The following TMCC1 variants were observed in gnomAD, a reference collection of about 807,000 sequenced individuals.
TMCC1 encodes the protein transmembrane and coiled-coil domain family 1.
TMCC1 carries 15 observed loss-of-function variants against 52.4 expected under a neutral mutation model. The observed-to-expected ratio is 0.29, with a 90% confidence interval of 0.19 to 0.44. The LOEUF is 0.44. Ranked by LOEUF, TMCC1 falls within the 20% of genes least tolerant of loss-of-function variation. TMCC1 has a pLI of 1.00. For missense variants in TMCC1, 503 were observed against 806.0 expected, an observed-to-expected ratio of 0.62 and a Z score of 4.55; for synonymous variants, 279 against 301.9, an observed-to-expected ratio of 0.92 and a Z score of 0.79.
At chr3:129,745,055 T>TC in intron 4 of TMCC1, among the ~76,000 whole-genome samples, 1 of 152,272 alleles carries the variant, frequency 6.6e-6, no homozygotes, top group South Asian at 2.1e-4. Context: ...TATTGAGTAA[T>TC]AATGGAGAGA....
At chr3:129,683,320 T>G (rs2089159010) in intron 4 of TMCC1, among the ~76,000 whole-genome samples, 1 of 152,228 alleles carries the variant, frequency 6.6e-6, no homozygotes, top group South Asian at 2.1e-4. Context: ...TTTTCTAACT[T>G]GCTTTCCCTA....
chr3:129,891,020 T>G (rs1416865683), intron 1 of TMCC1, among the ~76,000 whole-genome samples: 1 of 152,252 alleles, frequency 6.6e-6, no homozygotes, highest in East Asian at 1.9e-4. Context: ...AATGTAAGAA[T>G]GACATGTTAT....
chr3:129,737,438 C>G (rs1287494605), intron 4 of TMCC1, among the ~76,000 whole-genome samples: 1 of 152,008 alleles, frequency 6.6e-6, no homozygotes, highest in Non-Finnish European at 1.5e-5. Context: ...CGAGATCACG[C>G]CGCTGCACTC....
At chr3:129,872,501 C>T (rs1010815306) in intron 2 of TMCC1, among the ~76,000 whole-genome samples, 3 of 152,206 alleles carry the variant, frequency 2.0e-5, no homozygotes, top group Non-Finnish European at 2.9e-5. Flanking sequence ...TCTATGCACA[C>T]TAAAGTTCAC....
chr3:129,884,507 C>G (rs1270656891), intron 1 of TMCC1, among the ~76,000 whole-genome samples: 3 of 152,030 alleles, frequency 2.0e-5, no homozygotes, highest in African/African-American at 7.2e-5. Flanking sequence ...TTCCAACATG[C>G]TTGTCTTCCA....
At chr3:129,747,559 C>CTCTCT (rs576391361) in intron 4 of TMCC1, among the ~76,000 whole-genome samples, 158 of 152,304 alleles carry the variant, frequency 1.0e-3, no homozygotes, top group African/African-American at 3.4e-3. Flanking sequence ...ATATTTGGAA[C>CTCTCT]TCTCTTATTA....
At chr3:129,758,414 C>A (rs1178675428) in intron 4 of TMCC1, among the ~76,000 whole-genome samples, 1 of 152,166 alleles carries the variant, frequency 6.6e-6, no homozygotes, top group Non-Finnish European at 1.5e-5. Flanking sequence ...TACATACATA[C>A]ATTTTCTAGT....
At chr3:129,866,506 T>C (rs1455118130) in intron 2 of TMCC1, among the ~76,000 whole-genome samples, 2 of 150,568 alleles carry the variant, frequency 1.3e-5, no homozygotes, top group African/African-American at 4.9e-5. Context: ...GCCTCCCGAG[T>C]AGCTGGGATT....
chr3:129,801,404 A>C lies in TMCC1; in HGVS notation c.576+26399T>G, dbSNP rs540262515. On this transcript the variant is annotated intron_variant, in intron 4 of 6. Transcript: ENST00000393238. ...AACAATTTACTTAGCCATTCTCTTGATGACCATTTAGGTTACTTTCACATT... is the reference window on the plus strand; with the variant it reads ...AACAATTTACTTAGCCATTCTCTTGCTGACCATTTAGGTTACTTTCACATT... Among the ~76,000 whole-genome samples the C allele has an allele frequency of 3.3e-5, 5 of 152,186 alleles. No individual in the cohort carries two copies. The South Asian group carries it at 1.0e-3, about 32-fold the overall frequency.
intron 5 of TMCC1, among the ~76,000 whole-genome samples, chr3:129,658,206 A>G (rs1560126482): frequency 6.6e-6 from 1 of 152,236 alleles, no homozygotes; most frequent in Non-Finnish European, 1.5e-5. Context: ...GCTTTTCACT[A>G]CATGTATGCA....
intron 4 of TMCC1, among the ~76,000 whole-genome samples, chr3:129,709,667 T>A (rs866307429): frequency 2.6e-5 from 4 of 151,936 alleles, no homozygotes; most frequent in Non-Finnish European, 4.4e-5. Context: ...ATGAAGAACA[T>A]TCTGTTTAGA....
At chr3:129,696,445 C>T in intron 4 of TMCC1, among the ~76,000 whole-genome samples, 1 of 152,212 alleles carries the variant, frequency 6.6e-6, no homozygotes, top group Non-Finnish European at 1.5e-5. Flanking sequence ...AGCTACAACC[C>T]AACTATCTTG....
At chr3:129,785,477 T>C (rs1012841764) in intron 4 of TMCC1, among the ~76,000 whole-genome samples, 6 of 152,090 alleles carry the variant, frequency 3.9e-5, no homozygotes, top group African/African-American at 1.4e-4. Flanking sequence ...CTGAATAGAC[T>C]GGGTCAGATT....
intron 4 of TMCC1, among the ~76,000 whole-genome samples, chr3:129,762,010 T>G (rs1247784566): frequency 1.3e-4 from 9 of 71,524 alleles, no homozygotes; most frequent in South Asian, 1.1e-3. Context: ...AAAAAAAAAG[T>G]ACTAGTAGAA....
intron 4 of TMCC1, among the ~76,000 whole-genome samples, chr3:129,799,750 T>C (rs1173888907): frequency 6.6e-6 from 1 of 152,128 alleles, no homozygotes; most frequent in Non-Finnish European, 1.5e-5. Context: ...AGGCGGAGCT[T>C]GCAGTGAGCC....
At chr3:129,769,845 C>T (rs866399852) in intron 4 of TMCC1, among the ~76,000 whole-genome samples, 23 of 152,128 alleles carry the variant, frequency 1.5e-4, no homozygotes, top group African/African-American at 4.8e-4. Flanking sequence ...AAGAGCGAAA[C>T]GGCAAAAGTA....
intron 2 of TMCC1, among the ~76,000 whole-genome samples, chr3:129,873,222 C>T (rs2061016493): frequency 6.6e-6 from 1 of 151,964 alleles, no homozygotes; most frequent in Admixed American, 6.6e-5. Context: ...ATTAATGGAG[C>T]TTTAATTCTA....
chr3:129,658,838 G>GT (rs1410100604), intron 5 of TMCC1, among the ~76,000 whole-genome samples: 6 of 152,136 alleles, frequency 3.9e-5, no homozygotes, highest in African/African-American at 1.4e-4. Context: ...GAACTAAGGA[G>GT]TAAGTCTTAC....
chr3:129,871,252 G>T (rs1411802342), intron 2 of TMCC1, among the ~76,000 whole-genome samples: 3 of 151,590 alleles, frequency 2.0e-5, no homozygotes, highest in Non-Finnish European at 4.4e-5. Context: ...CCAGTTACTT[G>T]GGAGGGTGAG....
Sources: gnomAD v4.1 joint callset for allele counts (sites outside exome capture counted in the v4.1 genomes callset) on GRCh38, gnomAD v4.1.1 for gene constraint, MANE v1.5 for transcripts, NCBI Gene and HGNC (gene_info 2026-07-23, HGNC 2026-07-21) for gene names.